DLGAP1: variants seen among roughly 807,000 people sequenced by gnomAD.
DLGAP1 encodes the protein DLG associated protein 1.
In DLGAP1, 11 loss-of-function variants were observed where a neutral mutation model predicts 90.8. The ratio of observed to expected loss-of-function variants is 0.12; its 90% CI spans 0.08 to 0.20. DLGAP1 has a LOEUF of 0.20. Among genes scored for constraint, DLGAP1 ranks in the 10% least tolerant of loss-of-function variants. The pLI, the probability that DLGAP1 is intolerant of heterozygous loss-of-function variation, is 1.00. For synonymous variants in DLGAP1, 558 were observed against 540.7 expected, an observed-to-expected ratio of 1.03 and a Z score of -0.44; for missense variants, 1,050 against 1,333.8, an observed-to-expected ratio of 0.79 and a Z score of 3.31.
At chr18:3,635,280 G>T (rs185455097) in intron 7 of DLGAP1, among the ~76,000 whole-genome samples, 6 of 152,082 alleles carry the variant, frequency 3.9e-5, no homozygotes, top group South Asian at 2.1e-4. Context: ...ACAGGCGCCC[G>T]CCACCACGCC....
At chr18:4,283,607 G>C (rs1457162718) in intron 1 of DLGAP1, among the ~76,000 whole-genome samples, 1 of 152,152 alleles carries the variant, frequency 6.6e-6, no homozygotes, top group Non-Finnish European at 1.5e-5. Flanking sequence ...TATAAAGGGA[G>C]AGTGCGAAAA....
intron 1 of DLGAP1, among the ~76,000 whole-genome samples, chr18:4,258,891 A>G (rs2078949870): frequency 6.6e-6 from 1 of 152,156 alleles, no homozygotes; most frequent in Non-Finnish European, 1.5e-5. Context: ...AACCAAGCAG[A>G]GACTCCTTCC....
At position 3,592,863 on chromosome 18, in the gene DLGAP1, A is replaced by AG. The variant is rs1262117304; in HGVS notation, c.1592-10616_1592-10615insC. ...TGCCTCAAAAAAAAAAAAAAAAAAA[A>AG]AAAAGAAAAAGAAAGAAAGAAAAAG... On this transcript the variant is annotated intron_variant, in intron 7 of 12. Transcript: ENST00000315677. Among the ~76,000 whole-genome samples the AG allele has an allele frequency of 8.3e-5, 10 of 119,834 alleles. No homozygotes were observed. In the South Asian group the frequency reaches 8.6e-4, roughly 10 times the overall value. The allele number at this position is 119,834 out of a possible 152,430, so 78.6% of individuals were successfully genotyped here. A position where few individuals can be genotyped will look rare whatever the true frequency, so the allele number is the denominator to read the frequency against.
chr18:4,400,070 C>T (rs1324201282), intron 1 of DLGAP1, among the ~76,000 whole-genome samples: 1 of 151,730 alleles, frequency 6.6e-6, no homozygotes, highest in Non-Finnish European at 1.5e-5. Context: ...TCCTGCACCA[C>T]ATGTTCCCCC....
intron 1 of DLGAP1, among the ~76,000 whole-genome samples, chr18:4,445,966 G>A (rs537049419): frequency 3.9e-4 from 60 of 152,124 alleles, no homozygotes; most frequent in African/African-American, 1.3e-3. Flanking sequence ...GAAAGGGAAA[G>A]AAAACCCCTG....
chr18:3,668,421 T>TC (rs1254615463), intron 7 of DLGAP1, among the ~76,000 whole-genome samples: 1 of 151,902 alleles, frequency 6.6e-6, no homozygotes, highest in African/African-American at 2.4e-5. Flanking sequence ...CAAGTGATCC[T>TC]CCCCCCTCAG....
chr18:3,931,029 C>A (rs530835780), intron 3 of DLGAP1, among the ~76,000 whole-genome samples: 1 of 152,166 alleles, frequency 6.6e-6, no homozygotes, highest in Non-Finnish European at 1.5e-5. Flanking sequence ...TCCAGGAAGA[C>A]GGTAAGCTCC....
intron 2 of DLGAP1, among the ~76,000 whole-genome samples, chr18:4,141,320 A>G (rs2076491301): frequency 6.6e-6 from 1 of 152,046 alleles, no homozygotes; most frequent in South Asian, 2.1e-4. Flanking sequence ...GCTAATAAGG[A>G]CATGTAGAAG....
At chr18:3,646,793 TG>T (rs1567892631) in intron 7 of DLGAP1, among the ~76,000 whole-genome samples, 3 of 151,392 alleles carry the variant, frequency 2.0e-5, no homozygotes, top group African/African-American at 7.3e-5. Flanking sequence ...GGCGTGGTGG[TG>T]GGCGCCTGTA....
Position 4,404,359 on chromosome 18 carries a change from AATT to A in DLGAP1, c.-267+50644_-267+50646del, listed in dbSNP as rs1322306098. Among the ~76,000 whole-genome samples the A allele has an allele frequency of 2.0e-5, 3 of 152,140 alleles. No individual in the cohort carries two copies. In the East Asian group the frequency reaches 5.8e-4, roughly 29 times the overall value. On this transcript the variant is annotated intron_variant, in intron 1 of 12. Coordinates refer to ENST00000315677, the MANE Select transcript of DLGAP1 (RefSeq NM_004746.4). The stretch of plus-strand genomic sequence containing the variant: ...TGTGAAGTCAGTTTTCCTTCCTAAT[AATT>A]ATTTGACTGAGTTTACATTTGCTGA...
chr18:4,440,280 T>C (rs1219566711), intron 1 of DLGAP1, among the ~76,000 whole-genome samples: 2 of 152,158 alleles, frequency 1.3e-5, no homozygotes, highest in African/African-American at 4.8e-5. Context: ...ATTCATCTTA[T>C]ATGATTGTGA....
At chr18:4,161,662 A>G (rs374156737) in intron 1 of DLGAP1, among the ~76,000 whole-genome samples, 8 of 152,324 alleles carry the variant, frequency 5.3e-5, no homozygotes, top group African/African-American at 1.9e-4. Flanking sequence ...CCAAATTTTT[A>G]GCTGCCAAAG....
chr18:3,664,357 TATAATG>T (rs1242665250), intron 7 of DLGAP1, among the ~76,000 whole-genome samples: 3 of 152,160 alleles, frequency 2.0e-5, no homozygotes, highest in African/African-American at 7.2e-5. Flanking sequence ...TAAGGTATAA[TATAATG>T]ATTGTTTTTC....
intron 1 of DLGAP1, among the ~76,000 whole-genome samples, chr18:4,244,655 G>A (rs117907908): frequency 0.019 from 2,858 of 152,216 alleles, 36 homozygotes; most frequent in Non-Finnish European, 0.027. Context: ...AAATATTTAA[G>A]AGACAATGGA....
At position 3,538,408 on chromosome 18, in the gene DLGAP1, AT is replaced by A. The variant is rs200797724; in HGVS notation, c.2058-3794del. The stretch of plus-strand genomic sequence containing the variant: ...AAAAAGAAAGAAAAAGAAAAAAAAA[AT>A]CACATAGTGTGAAAATCTGAATGCA... On this transcript the variant is annotated intron_variant, in intron 9 of 12. Coordinates refer to ENST00000315677, the MANE Select transcript of DLGAP1 (RefSeq NM_004746.4). Among the ~76,000 whole-genome samples, 401 of 152,230 alleles carry A rather than the reference AT, an allele frequency of 2.6e-3. 3 individuals are homozygous for A. Among genetic ancestry groups the A allele is most frequent in the African/African-American group, 9.4e-3 (389 of 41,538 alleles).
In DLGAP1 at chr18:3,717,039, CTTTTT is replaced by C. The variant is rs56981271; in HGVS notation, c.1591+12091_1591+12095del. ...AGCGGTGCAAAGAGGGTGAGTTTGC[CTTTTT>C]TTTTTTTTTTTTTTTTTTAGTGGAA... On this transcript the variant is annotated intron_variant, in intron 7 of 12. Transcript: ENST00000315677. Among the ~76,000 whole-genome samples the C allele has an allele frequency of 7.8e-4, 89 of 113,836 alleles. 3 individuals are homozygous for C. The highest frequency in any genetic ancestry group is 5.2e-3 in the Middle Eastern group (1 of 194). 74.7% of individuals were successfully genotyped at this position (113,836 alleles called of 152,430 possible).
chr18:4,390,820 T>C (rs1363499010), intron 1 of DLGAP1, among the ~76,000 whole-genome samples: 1 of 152,190 alleles, frequency 6.6e-6, no homozygotes, highest in African/African-American at 2.4e-5. Flanking sequence ...TAGGCAGTTC[T>C]AGAGGCCCCT....
At chr18:3,640,087 A>G (rs1001770750) in intron 7 of DLGAP1, among the ~76,000 whole-genome samples, 1 of 152,062 alleles carries the variant, frequency 6.6e-6, no homozygotes, top group African/African-American at 2.4e-5. Context: ...TAGCCTAGTG[A>G]GATAGGGTAC....
intron 7 of DLGAP1, among the ~76,000 whole-genome samples, chr18:3,726,477 A>G (rs1454359310): frequency 4.0e-5 from 6 of 151,382 alleles, no homozygotes; most frequent in Non-Finnish European, 8.8e-5. Context: ...GAGAGAGATA[A>G]ATAGCACACA....
Sources: gnomAD v4.1 joint callset for allele counts (sites outside exome capture counted in the v4.1 genomes callset) on GRCh38, gnomAD v4.1.1 for gene constraint, MANE v1.5 for transcripts, NCBI Gene and HGNC (gene_info 2026-07-23, HGNC 2026-07-21) for gene names.